SLCO3A1: variants seen among roughly 807,000 people sequenced by gnomAD.
SLCO3A1 encodes the protein PGE1 transporter.
In SLCO3A1, 27 loss-of-function variants were observed where a neutral mutation model predicts 63.1. The observed-to-expected ratio is 0.43, with a 90% CI of 0.32 to 0.59. The LOEUF is 0.59. Among genes scored for constraint, SLCO3A1 ranks in the 20% least tolerant of loss-of-function variants. The pLI, the probability that SLCO3A1 is intolerant of heterozygous loss-of-function variation, is 0.09. For missense variants in SLCO3A1, 773 were observed against 945.8 expected (o/e 0.82, Z 2.40); for synonymous variants, 473 against 409.9 (o/e 1.15, Z -1.86).
At chr15:91,956,735 C>T (rs1301851554) in intron 2 of SLCO3A1, among the ~76,000 whole-genome samples, 5 of 149,630 alleles carry the variant, frequency 3.3e-5, no homozygotes, top group Non-Finnish European at 7.4e-5. Flanking sequence ...TTGTCCAAGC[C>T]CCCATGATCT....
Position 91,900,154 on chromosome 15 carries a change from T to C in SLCO3A1, c.181-15839T>C, listed in dbSNP as rs556732533. On this transcript the variant is annotated intron_variant, in intron 1 of 9. Transcript: ENST00000318445. The surrounding 1 kb of genome is among the most constrained non-coding windows in gnomAD (Gnocchi z 4.3). ...TGTGTTTTTAATTCTCTTAGGTAGA[T>C]ACCTGGGAGTAGAATTACTGGGTCA... 6.6e-6 allele frequency among the ~76,000 whole-genome samples: 1 copy of C among 152,384 alleles called. No homozygotes were observed. Among genetic ancestry groups the C allele is most frequent in the East Asian group, 1.9e-4 (1 of 5,192 alleles).
At chr15:91,991,435 TG>T (rs1482353786) in intron 2 of SLCO3A1, among the ~76,000 whole-genome samples, 1 of 152,226 alleles carries the variant, frequency 6.6e-6, no homozygotes, top group African/African-American at 2.4e-5. Context: ...GCTAACATTG[TG>T]CAGATCATAC....
intron 4 of SLCO3A1, among the ~76,000 whole-genome samples, chr15:92,109,648 T>G (rs979945759): frequency 6.6e-6 from 1 of 152,196 alleles, no homozygotes; most frequent in Admixed American, 6.5e-5. Context: ...CCAAGTGGTC[T>G]CTTCCTGTCC....
chr15:92,146,462 T>C (rs142841085), intron 7 of SLCO3A1, among the ~76,000 whole-genome samples: 1,671 of 152,348 alleles, frequency 0.011, 44 homozygotes, highest in African/African-American at 0.038. Context: ...CAGCTGTCCC[T>C]CGCCCAGCCT....
intron 1 of SLCO3A1, among the ~76,000 whole-genome samples, chr15:91,861,407 GA>G (rs1283519915): frequency 6.6e-6 from 1 of 152,158 alleles, no homozygotes; most frequent in Non-Finnish European, 1.5e-5. Flanking sequence ...GAGTGCCTCT[GA>G]AAAGGGAAGC....
rs766321291 is a variant in SLCO3A1 at position 91,948,185 on chromosome 15, G to A, written c.646+31727G>A. 1.1e-4 allele frequency among the ~76,000 whole-genome samples: 17 copies of A among 152,296 alleles called. No individual in the cohort carries two copies. Among genetic ancestry groups the A allele is most frequent in the South Asian group, 4.1e-4 (2 of 4,830 alleles). On this transcript the variant is annotated intron_variant, in intron 2 of 9. Transcript: ENST00000318445. This position sits in a 1 kb window ranked among gnomAD's most constrained non-coding sequence, Gnocchi z 4.8. Reference sequence around the variant, plus strand: ...CCTTTGTTACCTGCCCTTTGTTTCAGTGCCATGCGGCTAATGAATGCCGAC... The same window carrying A: ...CCTTTGTTACCTGCCCTTTGTTTCAATGCCATGCGGCTAATGAATGCCGAC...
rs572157760 is a variant in SLCO3A1 at position 92,092,796 on chromosome 15, G to A, written c.647-2085G>A. On this transcript the variant is annotated intron_variant, in intron 2 of 9. Coordinates refer to ENST00000318445, the MANE Select transcript of SLCO3A1 (RefSeq NM_013272.4). The stretch of plus-strand genomic sequence containing the variant: ...CCCTGCCCCCAACTTTGTGTGCTTG[G>A]TTATCTTAAAGTTATGACAAACCAG... 1.7e-3 allele frequency among the ~76,000 whole-genome samples: 265 copies of A among 152,204 alleles called. 2 individuals are homozygous for A. The highest frequency in any genetic ancestry group is 6.0e-3 in the African/African-American group (249 of 41,512).
chr15:91,978,578 T>C (rs1901209429), intron 2 of SLCO3A1, among the ~76,000 whole-genome samples: 2 of 152,254 alleles, frequency 1.3e-5, no homozygotes, highest in African/African-American at 2.4e-5. Flanking sequence ...TGTTACTTTT[T>C]TCCCCCCTCA....
intron 8 of SLCO3A1, 39 bp from the exon 9 acceptor site, chr15:92,150,911 A>T (rs2048296427): frequency 6.6e-7 from 1 of 1,520,676 alleles, no homozygotes; most frequent in Non-Finnish European, 9.0e-7. Flanking sequence ...GAATGATAAA[A>T]ATCTGGTTTT....
chr15:92,088,533 A>G (rs1282636312), intron 2 of SLCO3A1, among the ~76,000 whole-genome samples: 1 of 152,222 alleles, frequency 6.6e-6, no homozygotes, highest in Non-Finnish European at 1.5e-5. Context: ...AGTGTAAAAC[A>G]CAAATTTGTT....
At chr15:91,924,289 A>C (rs543980727) in intron 2 of SLCO3A1, among the ~76,000 whole-genome samples, 1 of 152,264 alleles carries the variant, frequency 6.6e-6, no homozygotes, top group Admixed American at 6.5e-5. Context: ...TAGTGTTTCC[A>C]GATCTTCTGA....
chr15:92,070,191 G>C (rs941486208), intron 2 of SLCO3A1, among the ~76,000 whole-genome samples: 1 of 152,230 alleles, frequency 6.6e-6, no homozygotes, highest in African/African-American at 2.4e-5. Flanking sequence ...TTCAAAATGG[G>C]TTTGATGGCA....
intron 1 of SLCO3A1, among the ~76,000 whole-genome samples, chr15:91,892,646 C>T (rs1177992002): frequency 6.6e-6 from 1 of 152,186 alleles, no homozygotes; most frequent in African/African-American, 2.4e-5. Flanking sequence ...AAGCAAGCTC[C>T]TTGGTCAGCC....
chr15:92,126,190 A>G lies in SLCO3A1; in HGVS notation c.1304A>G (p.Tyr435Cys), dbSNP rs1332717050. 1.9e-6 allele frequency: 3 copies of G among 1,613,848 alleles called. No homozygotes were observed. The highest frequency in any genetic ancestry group is 1.3e-5 in the African/African-American group (1 of 74,906). The change falls in exon 6 of 10, where the codon TAC becomes TGC. Residue 435 changes from tyrosine to cysteine, a missense_variant. Tyr to Cys is a radical substitution (Grantham distance 194, BLOSUM62 -2). Transcript: ENST00000318445. The stretch of plus-strand genomic sequence containing the variant: ...GTCAACCTGGTGTCCACTGCTTGCT[A>G]CGTCTCCTTCCTCTTCCTGGGCTGC... ...MLVNLVSTAC[Y>C]VSFLFLGCDT...
At chr15:92,001,207 G>A (rs1416078394) in intron 2 of SLCO3A1, among the ~76,000 whole-genome samples, 4 of 147,974 alleles carry the variant, frequency 2.7e-5, no homozygotes, top group Admixed American at 1.3e-4. Flanking sequence ...GGACCAGGTG[G>A]GTGGGCGGGG....
rs1206561733 is a variant in SLCO3A1 at position 91,948,075 on chromosome 15, A to G, written c.646+31617A>G. Among the ~76,000 whole-genome samples the G allele has an allele frequency of 3.3e-5, 5 of 152,202 alleles. No homozygotes were observed. Among genetic ancestry groups the G allele is most frequent in the African/African-American group, 1.2e-4 (5 of 41,452 alleles). On this transcript the variant is annotated intron_variant, in intron 2 of 9. Coordinates refer to ENST00000318445, the MANE Select transcript of SLCO3A1 (RefSeq NM_013272.4). This position sits in a 1 kb window ranked among gnomAD's most constrained non-coding sequence, Gnocchi z 4.8. ...GATGACAGATAGACGAATGGAGATA[A>G]AATAGAGATTGACTTCTGCATTCCT... is the stretch of plus-strand genomic sequence containing the variant.
chr15:91,853,847 CCGACACCCGGGGCGAG>C lies in SLCO3A1; in HGVS notation c.-59_-44del. The C allele has an allele frequency of 8.2e-7, 1 of 1,224,504 alleles. No individual in the cohort carries two copies. The highest frequency in any genetic ancestry group is 1.0e-6 in the Non-Finnish European group (1 of 987,012). 75.9% of individuals were successfully genotyped at this position (1,224,504 alleles called of 1,614,324 possible). A position where few individuals can be genotyped will look rare whatever the true frequency, so the allele number is the denominator to read the frequency against. On this transcript the variant is annotated 5_prime_UTR_variant, in exon 1 of 10. Transcript: ENST00000318445. ...CGCGCACCCCCGCCCGGCAGCGGCCCCGACACCCGGGGCGAGCGGGAAAGCGGCAGCGGCGGCGGCG... is the reference window on the plus strand; with the variant it reads ...CGCGCACCCCCGCCCGGCAGCGGCCCCGGGAAAGCGGCAGCGGCGGCGGCG...
At chr15:92,161,955 G>A (rs2048443985) in intron 9 of SLCO3A1, 1 of 132,408 alleles carries the variant, frequency 7.6e-6, no homozygotes. Context: ...ACAGTATGCC[G>A]GCGCTGTGCA....
intron 2 of SLCO3A1, among the ~76,000 whole-genome samples, chr15:92,019,640 T>A (rs902526253): frequency 3.9e-5 from 6 of 152,220 alleles, no homozygotes; most frequent in African/African-American, 4.8e-5. Flanking sequence ...ATGATTGTCC[T>A]ATGACAGAAC....
Sources: allele counts gnomAD v4.1 joint callset (sites outside exome capture counted in the v4.1 genomes callset), GRCh38; gene constraint gnomAD v4.1.1; non-coding constraint Gnocchi (gnomAD v3.1); transcripts MANE v1.5; gene names NCBI Gene and HGNC (gene_info 2026-07-23, HGNC 2026-07-21).